Variants in GALNTL6 observed in about 807,000 individuals in gnomAD.
The protein encoded by GALNTL6 is polypeptide N-acetylgalactosaminyltransferase-like 6.
GALNTL6 carries 46 observed loss-of-function variants against 73.7 expected under a neutral mutation model. The observed-to-expected ratio is 0.62, with a 90% CI of 0.49 to 0.80. GALNTL6 has a LOEUF of 0.80. GALNTL6 is among the 30% of genes least tolerant of loss of function. The pLI, the probability that GALNTL6 is intolerant of heterozygous loss-of-function variation, is 0.00. For synonymous variants in GALNTL6, 259 were observed against 263.7 expected (o/e 0.98, Z 0.17); for missense variants, 604 against 755.0 (o/e 0.80, Z 2.34).
chr4:172,618,930 G>A (rs1000128333), intron 5 of GALNTL6, among the ~76,000 whole-genome samples: 5 of 152,008 alleles, frequency 3.3e-5, no homozygotes, highest in African/African-American at 1.2e-4. Context: ...CACCATGTTG[G>A]CCAGGATGGT....
chr4:172,406,634 A>G (rs1744247047), intron 5 of GALNTL6, among the ~76,000 whole-genome samples: 1 of 152,008 alleles, frequency 6.6e-6, no homozygotes, highest in Non-Finnish European at 1.5e-5. Flanking sequence ...AGTTCTTACA[A>G]CTAATTAGTG....
intron 5 of GALNTL6, among the ~76,000 whole-genome samples, chr4:172,583,251 C>T (rs905797518): frequency 6.6e-6 from 1 of 152,082 alleles, no homozygotes; most frequent in Admixed American, 6.6e-5. Flanking sequence ...AAAGTGGAAC[C>T]AAAATTAAAG....
intron 10 of GALNTL6, among the ~76,000 whole-genome samples, chr4:172,971,775 T>C (rs915818015): frequency 6.6e-6 from 1 of 152,052 alleles, no homozygotes; most frequent in Non-Finnish European, 1.5e-5. Flanking sequence ...TATTAAATAC[T>C]AAAGATTGGA....
intron 5 of GALNTL6, among the ~76,000 whole-genome samples, chr4:172,586,475 GA>G (rs5864138): frequency 0.54 from 68,375 of 127,028 alleles, 16,318 homozygotes; most frequent in East Asian, 0.67. Context: ...TGGGAATTCA[GA>G]AAAAAAAAAA....
chr4:172,225,185 C>T lies in GALNTL6; in HGVS notation c.139-4471C>T, dbSNP rs563216391. 7.2e-5 allele frequency among the ~76,000 whole-genome samples: 11 copies of T among 151,872 alleles called. No homozygotes were observed. In the South Asian group the frequency reaches 1.7e-3, roughly 23 times the overall value. On this transcript the variant is annotated intron_variant, in intron 2 of 12. Transcript: ENST00000506823. Reference sequence around the variant, plus strand: ...GACGCATGATATAATCCAAAAGAGACGCAAATGGGTCTGGGCGCTGGAGAT... The same window carrying T: ...GACGCATGATATAATCCAAAAGAGATGCAAATGGGTCTGGGCGCTGGAGAT...
intron 2 of GALNTL6, among the ~76,000 whole-genome samples, chr4:172,192,954 G>T (rs916332402): frequency 6.6e-6 from 1 of 152,196 alleles, no homozygotes; most frequent in Admixed American, 6.5e-5. Flanking sequence ...TCCTCAGCAG[G>T]TAGGGCTTCC....
intron 2 of GALNTL6, among the ~76,000 whole-genome samples, chr4:171,998,214 T>A (rs1335844881): frequency 1.3e-5 from 2 of 152,158 alleles, no homozygotes; most frequent in South Asian, 4.1e-4. Flanking sequence ...ATTTAGTCCA[T>A]CTATTAAGTT....
chr4:172,747,355 AC>A (rs1432689389), intron 5 of GALNTL6, among the ~76,000 whole-genome samples: 1 of 152,142 alleles, frequency 6.6e-6, no homozygotes, highest in Non-Finnish European at 1.5e-5. Context: ...TGGGCAAAGA[AC>A]TTGAATAGAC....
chr4:172,762,820 G>A (rs1046758176), intron 5 of GALNTL6, among the ~76,000 whole-genome samples: 4 of 147,376 alleles, frequency 2.7e-5, no homozygotes, highest in African/African-American at 7.5e-5. Flanking sequence ...AAGTAACATC[G>A]ATTTATGCAT....
intron 2 of GALNTL6, among the ~76,000 whole-genome samples, chr4:172,018,050 G>A (rs1741265208): frequency 6.6e-6 from 1 of 152,148 alleles, no homozygotes; most frequent in Non-Finnish European, 1.5e-5. Flanking sequence ...TGATTAGCCA[G>A]GATGTTGCAG....
chr4:172,158,743 T>C (rs1478234430), intron 2 of GALNTL6, among the ~76,000 whole-genome samples: 1 of 152,206 alleles, frequency 6.6e-6, no homozygotes, highest in East Asian at 1.9e-4. Context: ...TGGGGTAATG[T>C]GTCAAATGGG....
chr4:172,474,809 G>A (rs1017706982), intron 5 of GALNTL6, among the ~76,000 whole-genome samples: 2 of 152,128 alleles, frequency 1.3e-5, no homozygotes, highest in Admixed American at 1.3e-4. Flanking sequence ...CTGTGATCCA[G>A]TAAAAAATAA....
chr4:172,562,944 C>A (rs997005001), intron 5 of GALNTL6, among the ~76,000 whole-genome samples: 1 of 152,170 alleles, frequency 6.6e-6, no homozygotes, highest in African/African-American at 2.4e-5. Context: ...TAGTATTTAT[C>A]TCTTCCTTCT....
chr4:172,719,192 C>A (rs1735299382), intron 5 of GALNTL6, among the ~76,000 whole-genome samples: 2 of 152,066 alleles, frequency 1.3e-5, no homozygotes, highest in African/African-American at 4.8e-5. Flanking sequence ...TCATAAAAAC[C>A]AGACATACTC....
At chr4:171,887,078 G>A (rs1022105526) in intron 2 of GALNTL6, among the ~76,000 whole-genome samples, 7 of 152,158 alleles carry the variant, frequency 4.6e-5, no homozygotes, top group African/African-American at 1.7e-4. Flanking sequence ...GCATTTCAAA[G>A]TAAAGTTGCC....
chr4:171,952,246 G>A lies in GALNTL6; in HGVS notation c.138+137528G>A, dbSNP rs566918074. Reference sequence around the variant, plus strand: ...TGGAAGTATATCACTGATTAAAACGGAGTCAAAAAGAGATTGAAAATAGAA... The same window carrying A: ...TGGAAGTATATCACTGATTAAAACGAAGTCAAAAAGAGATTGAAAATAGAA... On this transcript the variant is annotated intron_variant, in intron 2 of 12. Coordinates refer to ENST00000506823, the MANE Select transcript of GALNTL6 (RefSeq NM_001034845.3). 7.2e-5 allele frequency among the ~76,000 whole-genome samples: 11 copies of A among 151,926 alleles called. No individual in the cohort carries two copies. In the East Asian group the frequency reaches 1.2e-3, roughly 16 times the overall value.
chr4:172,576,523 G>A (rs1736961658), intron 5 of GALNTL6, among the ~76,000 whole-genome samples: 1 of 152,162 alleles, frequency 6.6e-6, no homozygotes, highest in Non-Finnish European at 1.5e-5. Context: ...GAAAGCCCAT[G>A]TGGAATCCTG....
At chr4:172,470,701 T>C (rs1391366600) in intron 5 of GALNTL6, among the ~76,000 whole-genome samples, 1 of 152,332 alleles carries the variant, frequency 6.6e-6, no homozygotes, top group Middle Eastern at 3.4e-3. Context: ...AAGGTTTTAG[T>C]TGGCTTCTTA....
chr4:172,552,837 TA>T (rs397933315), intron 5 of GALNTL6, among the ~76,000 whole-genome samples: 12,965 of 80,144 alleles, frequency 0.16, 999 homozygotes, highest in East Asian at 0.37. Flanking sequence ...GTAATTGCAG[TA>T]AAAAAAAAAA....
Sources: gnomAD v4.1 joint callset for allele counts (sites outside exome capture counted in the v4.1 genomes callset) on GRCh38, gnomAD v4.1.1 for gene constraint, MANE v1.5 for transcripts, NCBI Gene and HGNC (gene_info 2026-07-23, HGNC 2026-07-21) for gene names.